The following PER3 variants were observed in gnomAD, a reference collection of about 807,000 sequenced individuals.
PER3 encodes period circadian protein homolog 3.
PER3 carries 107 observed loss-of-function variants against 127.2 expected under a neutral mutation model. The observed-to-expected ratio is 0.84, with a 90% CI of 0.72 to 0.99. The LOEUF (loss-of-function observed/expected upper bound fraction) is 0.99, where lower values mean the gene tolerates loss of function less well. Ranked by LOEUF, PER3 falls within the 50% of genes least tolerant of loss-of-function variation. The pLI, the probability that PER3 is intolerant of heterozygous loss-of-function variation, is 0.00. For missense variants in PER3, 1,560 were observed against 1,525.8 expected (o/e 1.02, Z -0.37); for synonymous variants, 618 against 585.8 (o/e 1.05, Z -0.79).
At chr1:7,796,468 A>C (rs1000187417) in intron 6 of PER3, among the ~76,000 whole-genome samples, 1 of 151,452 alleles carries the variant, frequency 6.6e-6, no homozygotes, top group Non-Finnish European at 1.5e-5. Context: ...ACAGGCATGC[A>C]CCGCCACAGC....
chr1:7,827,434 G>A lies in PER3; in HGVS notation c.2505G>A (p.Leu835=), dbSNP rs751225086. 9 of 1,614,020 alleles carry A rather than the reference G, an allele frequency of 5.6e-6. No individual in the cohort carries two copies. Among genetic ancestry groups the A allele is most frequent in the African/African-American group, 4.0e-5 (3 of 74,938 alleles). The change falls in exon 18 of 22, where the codon CTG becomes CTA. Residue 835 remains leucine (L), a synonymous_variant. Coordinates refer to ENST00000377532, the MANE Select transcript of PER3 (RefSeq NM_001377275.1). ...PGTAPEGLHG[L]PLSEGLQPYP... is the part of the protein sequence containing the mutation. ...CTGCACCGGAAGGCCTGCATGGGCT[G>A]CCCTTGTCCGAGGGCTTGCAGCCTT...
chr1:7,802,653 G>A (rs541951594), intron 8 of PER3, among the ~76,000 whole-genome samples: 2 of 152,264 alleles, frequency 1.3e-5, no homozygotes, highest in East Asian at 1.9e-4. Context: ...ATCTTTCTAC[G>A]TTACGATGTG....
At chr1:7,786,637 A>G in intron 3 of PER3, 84 bp from the exon 4 acceptor site, 1 of 746,006 alleles carries the variant, frequency 1.3e-6, no homozygotes, top group Non-Finnish European at 2.4e-6. Context: ...TCCGAAAAAA[A>G]TAATCCAGCT....
At chr1:7,842,631 A>G (rs1472496828) in intron 21 of PER3, 41 bp from the exon 22 acceptor site, 4 of 1,610,166 alleles carry the variant, frequency 2.5e-6, no homozygotes, top group Non-Finnish European at 3.4e-6. Context: ...TTTAGGTGAC[A>G]TTGACATCAA....
In PER3 at chr1:7,809,885, C is replaced by T. The variant is rs762780063; in HGVS notation, c.1243-8C>T. 11 of 1,612,818 alleles carry T rather than the reference C, an allele frequency of 6.8e-6. No individual in the cohort carries two copies. In the South Asian group the frequency reaches 1.2e-4, roughly 18 times the overall value. ...CAATTCTGGACTTGTTCCTCTTTGT[C>T]CTTCCAGCCAGTTCACGTGAGCGTG... On this transcript the variant is annotated splice_region_variant and splice_polypyrimidine_tract_variant and intron_variant, in intron 11 of 21. Coordinates refer to ENST00000377532, the MANE Select transcript of PER3 (RefSeq NM_001377275.1).
Position 7,819,273 on chromosome 1 carries a change from A to T in PER3, c.1523-12A>T. On this transcript the variant is annotated splice_polypyrimidine_tract_variant and intron_variant, in intron 13 of 21. Transcript: ENST00000377532. ...GGTACTTTTAATTGCACATCCCTTT[A>T]TTCTGTTTCAGGTGAATGTAAGACC... The T allele has an allele frequency of 6.2e-7, 1 of 1,610,840 alleles. No individual in the cohort carries two copies. The highest frequency in any genetic ancestry group is 1.1e-5 in the South Asian group (1 of 90,640).
At chr1:7,787,643 C>A (rs2097098405) in intron 4 of PER3, 2 of 306,556 alleles carry the variant, frequency 6.5e-6, no homozygotes, top group Non-Finnish European at 1.3e-5. Flanking sequence ...AGCAGTGATG[C>A]TTATGTAATG....
rs60220289 is a variant in PER3 at position 7,808,232 on chromosome 1, C to CAAAAAA, written c.1137-639_1137-634dup. 3.1e-3 allele frequency among the ~76,000 whole-genome samples: 298 copies of CAAAAAA among 97,656 alleles called. 15 individuals carry two copies. The highest frequency in any genetic ancestry group is 7.6e-3 in the South Asian group (20 of 2,646). The allele number at this position is 97,656 out of a possible 152,430, so 64.1% of individuals were successfully genotyped here. ...TGGGTGACAGAGCAAGACTCTGTCT[C>CAAAAAA]AAAAAAAAAAAAAAAAAAAAAAAAA... On this transcript the variant is annotated intron_variant, in intron 10 of 21. Transcript: ENST00000377532.
intron 19 of PER3, among the ~76,000 whole-genome samples, chr1:7,831,156 C>A (rs1282331443): frequency 1.3e-5 from 2 of 152,184 alleles, no homozygotes; most frequent in East Asian, 3.8e-4. Flanking sequence ...TTATAGTTTT[C>A]AGCCTACAAC....
At chr1:7,817,438 C>T (rs1055685277) in intron 13 of PER3, among the ~76,000 whole-genome samples, 4 of 152,212 alleles carry the variant, frequency 2.6e-5, no homozygotes, top group Admixed American at 1.3e-4. Flanking sequence ...ACTGTATCTC[C>T]TAGGGCTAAA....
chr1:7,832,366 C>CTTTTTTTTTTTTTTTTTTTTTTCTT (rs33933452), intron 19 of PER3, among the ~76,000 whole-genome samples: 1 of 85,848 alleles, frequency 1.2e-5, no homozygotes, highest in African/African-American at 4.9e-5. Context: ...GATTTATGCT[C>CTTTTTTTTTTTTTTTTTTTTTTCTT]TTTTTTTTTT....
Position 7,827,223 on chromosome 1 carries a change from C to G in PER3, c.2294C>G (p.Ser765Cys), listed in dbSNP as rs1318124655. Reference protein sequence around the residue: ...PPDSSSSNTGSGPRRGAHQNA... With the variant: ...PPDSSSSNTGCGPRRGAHQNA... ...GACAGCAGCAGCTCGAACACCGGCTCTGGTCCCCGCAGGGGAGCGCATCAG... is the reference window on the plus strand; with the variant it reads ...GACAGCAGCAGCTCGAACACCGGCTGTGGTCCCCGCAGGGGAGCGCATCAG... Residue 765 changes from serine to cysteine, a missense_variant, in exon 18 of 22, where the codon TCT becomes TGT. Transcript: ENST00000377532. The G allele has an allele frequency of 1.2e-6, 2 of 1,613,886 alleles. No homozygotes were observed. Among genetic ancestry groups the G allele is most frequent in the Admixed American group, 1.7e-5 (1 of 60,006 alleles).
chr1:7,798,377 C>CT, intron 6 of PER3, 148 bp from the exon 7 acceptor site: 1 of 625,020 alleles, frequency 1.6e-6, no homozygotes, highest in South Asian at 2.4e-5. Context: ...CTAACATATT[C>CT]TTTCTTTTGA....
intron 13 of PER3, among the ~76,000 whole-genome samples, chr1:7,816,014 AAAATTG>A (rs2097249029): frequency 1.3e-5 from 2 of 149,216 alleles, no homozygotes; most frequent in Non-Finnish European, 3.0e-5. Context: ...AAAAAAAAAA[AAAATTG>A]AATTGAACAA....
intron 21 of PER3, among the ~76,000 whole-genome samples, chr1:7,840,408 G>C (rs2151321219): frequency 6.6e-6 from 1 of 150,738 alleles, no homozygotes; most frequent in East Asian, 2.0e-4. Context: ...GCTCACTGCA[G>C]CCTCAGTCTC....
At chr1:7,785,666 C>T in intron 3 of PER3, 80 bp downstream of exon 3, 1 of 1,164,556 alleles carries the variant, frequency 8.6e-7, no homozygotes, top group Non-Finnish European at 1.2e-6. Flanking sequence ...TCAGTGGGGT[C>T]TCAGTCAGAC....
chr1:7,806,795 T>TAAAAAAAAAAAAAAAAAAA (rs71567316), intron 10 of PER3, among the ~76,000 whole-genome samples: 1 of 91,904 alleles, frequency 1.1e-5, no homozygotes, highest in Non-Finnish European at 1.9e-5. Context: ...CCCTGTCTCT[T>TAAAAAAAAAAAAAAAAAAA]AAAAAAAAAA....
At chr1:7,788,327 ATAT>A in intron 5 of PER3, 81 bp downstream of exon 5, 1 of 1,002,186 alleles carries the variant, frequency 1.0e-6, no homozygotes, top group East Asian at 2.4e-5. Context: ...AGAAATTAAC[ATAT>A]TATTTAGAAC....
At chr1:7,785,293 C>G (rs2097081587) in intron 2 of PER3, 148 bp from the exon 3 acceptor site, 1 of 662,726 alleles carries the variant, frequency 1.5e-6, no homozygotes, top group African/African-American at 1.8e-5. Flanking sequence ...GCCTCGAGTT[C>G]CCCACCTAGA....
Sources: gnomAD v4.1 joint callset for allele counts (sites outside exome capture counted in the v4.1 genomes callset) on GRCh38, gnomAD v4.1.1 for gene constraint, MANE v1.5 for transcripts, NCBI Gene and HGNC (gene_info 2026-07-23, HGNC 2026-07-21) for gene names.